REDIC1: variants seen among roughly 807,000 people sequenced by gnomAD.
The protein encoded by REDIC1 is regulator of DNA class I crossover intermediates 1.
At chr12:39,896,260 ATG>A in the REDIC1 span, among the ~76,000 whole-genome samples, 63 of 94,776 alleles carry the variant, frequency 6.6e-4, 1 homozygote, top group East Asian at 3.2e-3. Flanking sequence ...ATGTATGTAT[ATG>A]TGTGTATATA....
the REDIC1 span, among the ~76,000 whole-genome samples, chr12:39,855,912 C>A: frequency 0.013 from 1,937 of 152,258 alleles, 57 homozygotes; most frequent in African/African-American, 0.044. Context: ...CACCACACAA[C>A]AATCTAAAAG....
the REDIC1 span, among the ~76,000 whole-genome samples, chr12:39,904,053 A>T: frequency 6.6e-6 from 1 of 152,140 alleles, no homozygotes; most frequent in Non-Finnish European, 1.5e-5. Context: ...CTTACTGATT[A>T]TACACAGGAA....
the REDIC1 span, among the ~76,000 whole-genome samples, chr12:39,694,931 T>C: frequency 6.6e-6 from 1 of 152,162 alleles, no homozygotes; most frequent in African/African-American, 2.4e-5. Context: ...GATAGGGCAC[T>C]GGTCAGAGTC....
the REDIC1 span, among the ~76,000 whole-genome samples, chr12:39,794,603 G>A: frequency 6.6e-6 from 1 of 152,148 alleles, no homozygotes; most frequent in Admixed American, 6.5e-5. Context: ...AGAAGGCAAA[G>A]GCAGAGCTGT....
At chr12:39,751,726 A>G in the REDIC1 span, among the ~76,000 whole-genome samples, 1 of 152,240 alleles carries the variant, frequency 6.6e-6, no homozygotes, top group African/African-American at 2.4e-5. Context: ...GCAGCCATAA[A>G]AAAGGATGAG....
chr12:39,701,890 A>T, the REDIC1 span, among the ~76,000 whole-genome samples: 1 of 152,134 alleles, frequency 6.6e-6, no homozygotes, highest in Non-Finnish European at 1.5e-5. Flanking sequence ...TTTGAAACCA[A>T]CGAGAACAAA....
chr12:39,710,826 T>G, the REDIC1 span, among the ~76,000 whole-genome samples: 1 of 151,778 alleles, frequency 6.6e-6, no homozygotes, highest in African/African-American at 2.4e-5. Context: ...TGACCATGTG[T>G]CTCTAATAAC....
At chr12:39,844,515 A>G in the REDIC1 span, among the ~76,000 whole-genome samples, 6 of 152,118 alleles carry the variant, frequency 3.9e-5, no homozygotes, top group African/African-American at 1.4e-4. Context: ...TAAAAGTTCA[A>G]AAGCAACTCA....
At chr12:39,824,326 A>G in the REDIC1 span, among the ~76,000 whole-genome samples, 1 of 152,206 alleles carries the variant, frequency 6.6e-6, no homozygotes, top group Non-Finnish European at 1.5e-5. Context: ...GATATTGAAC[A>G]TCAGCAGTTT....
the REDIC1 span, among the ~76,000 whole-genome samples, chr12:39,699,533 C>T: frequency 9.8e-5 from 15 of 152,318 alleles, no homozygotes; most frequent in East Asian, 3.9e-4. Context: ...GAGGGGCGCC[C>T]GCCATTGCCC....
the REDIC1 span, among the ~76,000 whole-genome samples, chr12:39,849,557 C>T: frequency 2.0e-5 from 3 of 152,142 alleles, no homozygotes; most frequent in African/African-American, 7.2e-5. Context: ...GCTTCTCTGA[C>T]TGAGGTGGTA....
the REDIC1 span, among the ~76,000 whole-genome samples, chr12:39,667,193 T>C: frequency 3.3e-5 from 5 of 152,350 alleles, no homozygotes; most frequent in Admixed American, 1.3e-4. Flanking sequence ...TGCTTTCTCT[T>C]GTGGGCATTT....
chr12:39,666,456 G>C, the REDIC1 span, among the ~76,000 whole-genome samples: 1 of 152,282 alleles, frequency 6.6e-6, no homozygotes, highest in African/African-American at 2.4e-5. Flanking sequence ...TATGCTGCTG[G>C]ATTCAGTTTG....
the REDIC1 span, among the ~76,000 whole-genome samples, chr12:39,707,804 A>T: frequency 6.6e-6 from 1 of 151,846 alleles, no homozygotes. Flanking sequence ...CTTTAAAATC[A>T]ACTTGCCTAA....
At chr12:39,657,909 T>C in the REDIC1 span, among the ~76,000 whole-genome samples, 8 of 152,266 alleles carry the variant, frequency 5.3e-5, no homozygotes, top group Middle Eastern at 3.4e-3. Context: ...CTGCTTATTT[T>C]GCATTTAATT....
At chr12:39,789,411 C>A in the REDIC1 span, among the ~76,000 whole-genome samples, 1 of 152,108 alleles carries the variant, frequency 6.6e-6, no homozygotes, top group Non-Finnish European at 1.5e-5. Context: ...TCATGATATA[C>A]ACTTTATGAA....
the REDIC1 span, among the ~76,000 whole-genome samples, chr12:39,792,827 G>T: frequency 6.7e-6 from 1 of 149,764 alleles, no homozygotes; most frequent in African/African-American, 2.4e-5. Flanking sequence ...CCACATAAAA[G>T]TGGACCACGC....
the REDIC1 span, among the ~76,000 whole-genome samples, chr12:39,717,144 TTA>T: frequency 7.2e-6 from 1 of 139,384 alleles, no homozygotes; most frequent in Non-Finnish European, 1.6e-5. Context: ...CATATATATG[TTA>T]TATATATACA....
chr12:39,711,481 GTA>G, the REDIC1 span, among the ~76,000 whole-genome samples: 4 of 140,618 alleles, frequency 2.8e-5, no homozygotes, highest in African/African-American at 1.1e-4. Context: ...ATATGTATGT[GTA>G]TATATGTATA....
Sources: allele counts gnomAD v4.1 joint callset (sites outside exome capture counted in the v4.1 genomes callset), GRCh38; gene constraint gnomAD v4.1.1; transcripts MANE v1.5; gene names NCBI Gene and HGNC (gene_info 2026-07-23, HGNC 2026-07-21).